POLR2F: variants seen among roughly 807,000 people sequenced by gnomAD.
The protein encoded by POLR2F is DNA-directed RNA polymerases I, II, and III subunit RPABC2.
In POLR2F, 12 loss-of-function variants were observed where a neutral mutation model predicts 22.7. That is an observed-to-expected ratio of 0.53 (90% CI 0.34 to 0.86). The LOEUF is 0.86. POLR2F is among the 40% of genes least tolerant of loss of function. POLR2F has a pLI of 0.02. For missense variants in POLR2F, 126 were observed against 171.5 expected (o/e 0.73, Z 1.48); for synonymous variants, 57 against 66.0 (o/e 0.86, Z 0.66).
At chr22:38,023,631 C>T (rs893077202) in intron 1 of POLR2F, among the ~76,000 whole-genome samples, 2 of 152,070 alleles carry the variant, frequency 1.3e-5, no homozygotes, top group Non-Finnish European at 2.9e-5. Context: ...ACTCCCTTAG[C>T]TCCAGCCCCT....
chr22:37,956,705 C>T, intron 1 of POLR2F, 68 bp from the exon 2 acceptor site: 1 of 1,238,002 alleles, frequency 8.1e-7, no homozygotes, highest in East Asian at 2.3e-5. Flanking sequence ...GTGTGATCCA[C>T]CGTGCCTGGC....
intron 1 of POLR2F, among the ~76,000 whole-genome samples, chr22:38,022,588 AG>A (rs1243334547): frequency 1.3e-5 from 2 of 151,832 alleles, no homozygotes; most frequent in African/African-American, 2.4e-5. Context: ...AAGACAGAAA[AG>A]AATCTATTTA....
At chr22:38,012,066 AT>A (rs1353634385) in intron 1 of POLR2F, among the ~76,000 whole-genome samples, 2 of 148,584 alleles carry the variant, frequency 1.3e-5, no homozygotes, top group African/African-American at 5.0e-5. Context: ...ATCCCTAAGT[AT>A]TTTATATTTT....
At chr22:37,988,338 A>G (rs1932643971) in intron 1 of POLR2F, 1 of 150,084 alleles carries the variant, frequency 6.7e-6, no homozygotes, top group South Asian at 2.1e-4. Context: ...CTCAAAAAAA[A>G]AAAAAAAAAG....
At chr22:37,991,725 C>T (rs1023338697) in intron 1 of POLR2F, among the ~76,000 whole-genome samples, 2 of 152,152 alleles carry the variant, frequency 1.3e-5, no homozygotes, top group African/African-American at 2.4e-5. Flanking sequence ...TTTCCAACTC[C>T]GTTCAGACCT....
intron 1 of POLR2F, among the ~76,000 whole-genome samples, chr22:37,998,541 C>G (rs2145796087): frequency 6.6e-6 from 1 of 152,300 alleles, no homozygotes; most frequent in East Asian, 1.9e-4. Flanking sequence ...CTGTCCCACC[C>G]TGGGGACTTT....
downstream of POLR2F, chr22:37,971,081 G>A (rs1569166631): frequency 2.7e-6 from 1 of 371,316 alleles, no homozygotes; most frequent in Non-Finnish European, 5.5e-6. Flanking sequence ...TCCTGACTAG[G>A]GGCTGGAGAC....
In POLR2F at chr22:37,969,036, G is replaced by A. The variant is rs907433289; in HGVS notation, c.*1321G>A. 1.5e-5 allele frequency: 15 copies of A among 985,344 alleles called. No homozygotes were observed. In the South Asian group the frequency reaches 1.9e-4, roughly 12 times the overall value. The allele number at this position is 985,344 out of a possible 1,614,324, so 61.0% of individuals were successfully genotyped here. On this transcript the variant is annotated 3_prime_UTR_variant, in exon 5 of 5. Coordinates refer to ENST00000442738, the MANE Select transcript of POLR2F (RefSeq NM_021974.5). ...CATCCAGGCAGCCGCCCCAGAGTGC[G>A]GGGGTCACTTTCTCGGCCCCATTTC...
chr22:37,973,408 C>A (rs943287191), downstream of POLR2F: 1 of 897,316 alleles, frequency 1.1e-6, no homozygotes, highest in African/African-American at 1.7e-5. Flanking sequence ...TCCTCCACTG[C>A]CACCACCAGG....
intron 1 of POLR2F, among the ~76,000 whole-genome samples, chr22:38,018,670 CA>C: frequency 6.6e-6 from 1 of 152,296 alleles, no homozygotes; most frequent in Middle Eastern, 3.4e-3. Flanking sequence ...GCAGTTTTTG[CA>C]TCTTCTCCCT....
chr22:37,975,818 A>G (rs886970237), intron 4 of POLR2F, among the ~76,000 whole-genome samples: 1 of 152,128 alleles, frequency 6.6e-6, no homozygotes, highest in African/African-American at 2.4e-5. Context: ...TTCCTTGACA[A>G]GAGTCTGGTG....
At chr22:38,026,929 C>T (rs73886235), downstream of POLR2F, among the ~76,000 whole-genome samples, 1,468 of 152,268 alleles carry the variant, frequency 9.6e-3, 27 homozygotes, top group African/African-American at 0.034. Context: ...CCAGCTCCCC[C>T]TCCCAGCTGC....
At chr22:38,028,260 G>C (rs2085032691), downstream of POLR2F, among the ~76,000 whole-genome samples, 1 of 152,204 alleles carries the variant, frequency 6.6e-6, no homozygotes, top group Non-Finnish European at 1.5e-5. Flanking sequence ...CACAGAGCCA[G>C]GATTGGAGGC....
chr22:38,036,308 G>A (rs2085115764), intron 5 of POLR2F, among the ~76,000 whole-genome samples: 1 of 151,916 alleles, frequency 6.6e-6, no homozygotes, highest in Non-Finnish European at 1.5e-5. Context: ...ATTTGCTGAT[G>A]TCACGGCACC....
upstream of POLR2F, chr22:37,983,231 C>G (rs759435129): frequency 8.0e-5 from 94 of 1,169,636 alleles, no homozygotes; most frequent in Non-Finnish European, 1.0e-4. The surrounding 1 kb of genome is among the most constrained non-coding windows in gnomAD (Gnocchi z 9.5). Flanking sequence ...ACCTGGTCTT[C>G]CAGCCCTATC....
downstream of POLR2F, chr22:37,973,415 C>T (rs1932117816): frequency 1.1e-6 from 1 of 945,518 alleles, no homozygotes; most frequent in Non-Finnish European, 1.6e-6. Context: ...CTGCCACCAC[C>T]AGGCCTGAGG....
intron 1 of POLR2F, among the ~76,000 whole-genome samples, chr22:38,019,933 G>C (rs1157131822): frequency 6.6e-6 from 1 of 152,184 alleles, no homozygotes; most frequent in African/African-American, 2.4e-5. Flanking sequence ...AGAATCACTT[G>C]AACCCGGGAG....
Position 37,986,350 on chromosome 22 carries a change from C to G in POLR2F, c.120+38C>G. 6.5e-7 allele frequency: 1 copy of G among 1,529,878 alleles called. No homozygotes were observed. The highest frequency in any genetic ancestry group is 8.8e-7 in the Non-Finnish European group (1 of 1,142,816). 94.8% of individuals were successfully genotyped at this position (1,529,878 alleles called of 1,614,324 possible). On this transcript the variant is annotated intron_variant, in intron 1 of 2. Coordinates refer to the POLR2F transcript ENST00000333418. The surrounding 1 kb of genome is among the most constrained non-coding windows in gnomAD (Gnocchi z 4.7). The stretch of plus-strand genomic sequence containing the variant: ...TCATCCTTCCACCCCTCAGTTCCTC[C>G]TCTTTGAGGAAAGGACCTCCCCGCT...
downstream of POLR2F, among the ~76,000 whole-genome samples, chr22:37,971,748 G>C (rs952027287): frequency 6.6e-6 from 1 of 152,050 alleles, no homozygotes; most frequent in Non-Finnish European, 1.5e-5. Context: ...CAGGCAGCAC[G>C]GTGTCACCCT....
Sources: allele counts gnomAD v4.1 joint callset (sites outside exome capture counted in the v4.1 genomes callset), GRCh38; gene constraint gnomAD v4.1.1; non-coding constraint Gnocchi (gnomAD v3.1); transcripts MANE v1.5; gene names NCBI Gene and HGNC (gene_info 2026-07-23, HGNC 2026-07-21).